The following TCTN2 variants were observed in gnomAD, a reference collection of about 807,000 sequenced individuals.
The protein encoded by TCTN2 is tectonic-2.
In TCTN2, 66 loss-of-function variants were observed where a neutral mutation model predicts 83.4. The ratio of observed to expected loss-of-function variants is 0.79; its 90% CI spans 0.65 to 0.97. The LOEUF is 0.97. TCTN2 is among the 50% of genes least tolerant of loss of function. The probability of loss-of-function intolerance (pLI) is 0.00; values close to 1 mark genes in which losing one functional copy is unlikely to be tolerated. For missense variants in TCTN2, 794 were observed against 858.1 expected (o/e 0.93, Z 0.93); for synonymous variants, 301 against 326.7 (o/e 0.92, Z 0.85).
At chr12:123,706,878 A>G (rs767951043) in intron 16 of TCTN2, 27 bp downstream of exon 16, 1 of 1,614,186 alleles carries the variant, frequency 6.2e-7, no homozygotes, top group South Asian at 1.1e-5. Flanking sequence ...CCTAGTTGAC[A>G]TTAGGAAGCA....
At chr12:123,702,016 C>T (rs890484591) in intron 14 of TCTN2, among the ~76,000 whole-genome samples, 2 of 152,156 alleles carry the variant, frequency 1.3e-5, no homozygotes, top group Non-Finnish European at 2.9e-5. Flanking sequence ...GTTGGAGAGG[C>T]CTAAGGTCAC....
Position 123,706,813 on chromosome 12 carries a change from T to C in TCTN2, c.1857T>C (p.Phe619=). Residue 619 remains phenylalanine, a synonymous_variant, in exon 16 of 18, where the codon TTT becomes TTC. Coordinates refer to ENST00000303372, the MANE Select transcript of TCTN2 (RefSeq NM_024809.5). ...TCCCTATCAGTGCATCCGTCCAGTT[T>C]ATTAAAATTCCTGCACAGTTACCCC... The part of the protein sequence containing the change: ...DLLPISASVQ[F]IKIPAQLPHP... 6.2e-7 allele frequency: 1 copy of C among 1,614,184 alleles called. No homozygotes were observed. The highest frequency in any genetic ancestry group is 8.5e-7 in the Non-Finnish European group (1 of 1,180,032).
chr12:123,675,565 G>A (rs895876609), intron 4 of TCTN2, among the ~76,000 whole-genome samples: 2 of 152,198 alleles, frequency 1.3e-5, no homozygotes, highest in African/African-American at 4.8e-5. Flanking sequence ...GCTCCTTTCA[G>A]CAGACTACTG....
intron 13 of TCTN2, among the ~76,000 whole-genome samples, chr12:123,697,695 T>C (rs1251367059): frequency 6.6e-6 from 1 of 151,404 alleles, no homozygotes; most frequent in African/African-American, 2.4e-5. Flanking sequence ...AGAGATGGGG[T>C]TTCACAATGT....
Position 123,686,773 on chromosome 12 carries a change from C to T in TCTN2, c.565-63C>T, listed in dbSNP as rs181249662. 566 of 1,524,478 alleles carry T rather than the reference C, an allele frequency of 3.7e-4. 5 individuals carry two copies. In the African/African-American group the frequency reaches 7.1e-3, roughly 19 times the overall value. The allele number at this position is 1,524,478 out of a possible 1,614,324, so 94.4% of individuals were successfully genotyped here. ...CTGGCCTTAAATAAGAGTTAGCATTCGCTACGCTTGCCAGGAGATCCTGAC... is the reference window on the plus strand; with the variant it reads ...CTGGCCTTAAATAAGAGTTAGCATTTGCTACGCTTGCCAGGAGATCCTGAC... On this transcript the variant is annotated intron_variant, in intron 5 of 17. Transcript: ENST00000303372.
intron 5 of TCTN2, 120 bp from the exon 6 acceptor site, chr12:123,686,716 A>G (rs1373140413): frequency 2.1e-6 from 2 of 951,592 alleles, no homozygotes; most frequent in Admixed American, 1.9e-5. Context: ...GACACAGATT[A>G]TAGGTTTTCT....
In TCTN2 at chr12:123,707,126, T is replaced by C. The variant is rs544040546; in HGVS notation, c.1984+53T>C. 6 of 1,502,106 alleles carry C rather than the reference T, an allele frequency of 4.0e-6. No individual in the cohort carries two copies. The South Asian group carries it at 6.8e-5, about 17-fold the overall frequency. The allele number at this position is 1,502,106 out of a possible 1,614,324, so 93.0% of individuals were successfully genotyped here. ...ATTATGTTATGTCAATTTAAAAAAA[T>C]TTTTTAAATGATGTCTAAATGTTAC... On this transcript the variant is annotated intron_variant, in intron 17 of 17. Coordinates refer to ENST00000303372, the MANE Select transcript of TCTN2 (RefSeq NM_024809.5).
chr12:123,704,452 C>A lies in TCTN2; in HGVS notation c.1613-80C>A, dbSNP rs1396166550. 1.5e-5 allele frequency: 21 copies of A among 1,430,230 alleles called. No individual in the cohort carries two copies. The East Asian group carries it at 4.2e-4, about 29-fold the overall frequency. 88.6% of individuals were successfully genotyped at this position (1,430,230 alleles called of 1,614,324 possible). The stretch of plus-strand genomic sequence containing the variant: ...AATGTGATGCCTGCCTGATATTATT[C>A]CCCATTTTGGTTATTACGACATTGT... On this transcript the variant is annotated intron_variant, in intron 14 of 17. Coordinates refer to ENST00000303372, the MANE Select transcript of TCTN2 (RefSeq NM_024809.5).
chr12:123,695,227 GAC>G lies in TCTN2; in HGVS notation c.1246_1247del (p.Gln416GlufsTer10), dbSNP rs765350643. ...EINAHQKGIM[T>X]QRFVVKFLSY... ...ATTTTGTTTTATTTCTAGGGATAAT[GAC>G]ACAGAGATTTGTAGTAAAATTTTTA... On this transcript the variant is annotated frameshift_variant, in exon 11 of 18. Transcript: ENST00000303372. LOFTEE classifies it high-confidence loss of function. The G allele has an allele frequency of 4.5e-6, 7 of 1,563,096 alleles. No individual in the cohort carries two copies. The highest frequency in any genetic ancestry group is 2.2e-5 in the South Asian group (2 of 89,872).
rs768949387 is a variant in TCTN2, at chr12:123,679,736, G to GTT, written c.564+467_564+468dup. ...CTATTGCAAATTGTTTTCAAATTGAGTTTTTTTTTTTTTTTTTTTTTGAGA... is the reference window on the plus strand; with the variant it reads ...CTATTGCAAATTGTTTTCAAATTGAGTTTTTTTTTTTTTTTTTTTTTTTGAGA... On this transcript the variant is annotated intron_variant, in intron 5 of 17. Transcript: ENST00000303372. Among the ~76,000 whole-genome samples the GTT allele has an allele frequency of 5.5e-3, 583 of 105,754 alleles. 14 individuals carry two copies. The highest frequency in any genetic ancestry group is 0.011 in the South Asian group (31 of 2,862). The allele number at this position is 105,754 out of a possible 152,430, so 69.4% of individuals were successfully genotyped here.
At chr12:123,687,973 G>A in intron 6 of TCTN2, 78 bp from the exon 7 acceptor site, 1 of 1,582,236 alleles carries the variant, frequency 6.3e-7, no homozygotes, top group South Asian at 1.1e-5. Context: ...CAGAAAACAA[G>A]AGTAAAGAAC....
rs368146331 is a variant in TCTN2 at position 123,687,023 on chromosome 12, A to C, written c.752A>C (p.Tyr251Ser). 1.9e-6 allele frequency: 3 copies of C among 1,613,974 alleles called. No individual in the cohort carries two copies. ...LANTPFLGYF[Y>S]HGAVSPKQDS... is the part of the protein sequence containing the mutation. ...AACACACCCTTCCTTGGTTACTTCT[A>C]TCATGGTGCTGTGTAAGTGTCTGAG... The change falls in exon 6 of 18, where the codon TAT becomes TCT. Residue 251 changes from tyrosine to serine, a missense_variant. Tyr to Ser is a moderately radical substitution (Grantham distance 144). Transcript: ENST00000303372.
chr12:123,683,975 G>A (rs1318960912), intron 5 of TCTN2, among the ~76,000 whole-genome samples: 1 of 152,114 alleles, frequency 6.6e-6, no homozygotes, highest in Non-Finnish European at 1.5e-5. Context: ...AGGGGAATGA[G>A]AACTGCAAAA....
intron 8 of TCTN2, among the ~76,000 whole-genome samples, chr12:123,691,939 G>A (rs1276050040): frequency 6.6e-6 from 1 of 151,838 alleles, no homozygotes; most frequent in African/African-American, 2.4e-5. Context: ...TTGTCCGCCA[G>A]GCTGGAGTGC....
chr12:123,699,715 T>C lies in TCTN2; in HGVS notation c.1517T>C (p.Val506Ala). 6.2e-7 allele frequency: 1 copy of C among 1,613,950 alleles called. No homozygotes were observed. Among genetic ancestry groups the C allele is most frequent in the Non-Finnish European group, 8.5e-7 (1 of 1,179,816 alleles). ...ENCTQLRENA[V>A]ERLDSLIQAT... ...TTACTCTCTTGCAGGGAGAATGCTG[T>C]TGAAAGACTTGATTCATTAATACAA... The change falls in exon 14 of 18, where the codon GTT becomes GCT. Residue 506 changes from valine to alanine, a missense_variant. Physicochemically the swap from Val to Ala is moderately conservative, Grantham distance 64. Transcript: ENST00000303372.
intron 5 of TCTN2, among the ~76,000 whole-genome samples, chr12:123,683,701 C>T (rs1955928148): frequency 1.3e-5 from 2 of 152,118 alleles, no homozygotes; most frequent in Admixed American, 6.5e-5. Flanking sequence ...TGCAGTGGCA[C>T]GATCTTGGCT....
At chr12:123,705,574 G>A (rs745791550) in intron 15 of TCTN2, among the ~76,000 whole-genome samples, 4 of 152,090 alleles carry the variant, frequency 2.6e-5, no homozygotes, top group Non-Finnish European at 5.9e-5. Context: ...ATGGTTCATG[G>A]TTCCAGTGTG....
intron 4 of TCTN2, among the ~76,000 whole-genome samples, chr12:123,674,606 A>G (rs1955798310): frequency 6.6e-6 from 1 of 152,126 alleles, no homozygotes; most frequent in Non-Finnish European, 1.5e-5. Context: ...AAGAAGAAAA[A>G]AGGAAGGGTG....
chr12:123,705,309 C>T (rs968876817), intron 15 of TCTN2, among the ~76,000 whole-genome samples: 7 of 151,698 alleles, frequency 4.6e-5, no homozygotes, highest in Non-Finnish European at 7.4e-5. Context: ...ATTACAGGCA[C>T]GTGCCACCAT....
Sources: allele counts gnomAD v4.1 joint callset (sites outside exome capture counted in the v4.1 genomes callset), GRCh38; gene constraint gnomAD v4.1.1; transcripts MANE v1.5; gene names NCBI Gene and HGNC (gene_info 2026-07-23, HGNC 2026-07-21).